Variants in TOMM20 observed in about 807,000 individuals in gnomAD.
TOMM20 encodes the protein translocase of outer mitochondrial membrane 20, also known as mitochondrial import receptor subunit TOM20 homolog.
Under a neutral mutation model 22.1 loss-of-function variants are expected in TOMM20, and 10 were observed. The observed-to-expected ratio is 0.45, with a 90% CI of 0.28 to 0.77. The LOEUF (loss-of-function observed/expected upper bound fraction) is 0.77, where lower values mean the gene tolerates loss of function less well. TOMM20 is among the 30% of genes least tolerant of loss of function. The pLI, the probability that TOMM20 is intolerant of heterozygous loss-of-function variation, is 0.13. For synonymous variants in TOMM20, 55 were observed against 61.4 expected, an observed-to-expected ratio of 0.90 and a Z score of 0.49; for missense variants, 121 against 172.2, an observed-to-expected ratio of 0.70 and a Z score of 1.66.
chr1:235,128,753 G>A lies in TOMM20; in HGVS notation c.-38C>T, dbSNP rs1245742292. ...GCTGAGCGTGGACGGTGGCGGCAGG[G>A]ACCGCGAAGGAGCGGTGGGCCACGA... On this transcript the variant is annotated 5_prime_UTR_variant, in exon 1 of 5. Coordinates refer to ENST00000366607, the MANE Select transcript of TOMM20 (RefSeq NM_014765.3). 4 of 1,612,152 alleles carry A rather than the reference G, an allele frequency of 2.5e-6. No homozygotes were observed. The highest frequency in any genetic ancestry group is 3.4e-6 in the Non-Finnish European group (4 of 1,179,342).
chr1:235,120,547 G>A (rs1038566689), intron 2 of TOMM20, among the ~76,000 whole-genome samples: 2 of 151,630 alleles, frequency 1.3e-5, no homozygotes, highest in Admixed American at 1.3e-4. Context: ...TTACAGGTAT[G>A]AGCCACCGCA....
At chr1:235,116,099 A>G (rs531894431) in intron 3 of TOMM20, among the ~76,000 whole-genome samples, 2 of 152,312 alleles carry the variant, frequency 1.3e-5, no homozygotes, top group African/African-American at 4.8e-5. Context: ...ACATGTTAGC[A>G]TGCAAGTAAA....
At chr1:235,120,695 GCC>G (rs1475179001) in intron 2 of TOMM20, among the ~76,000 whole-genome samples, 1 of 151,692 alleles carries the variant, frequency 6.6e-6, no homozygotes, top group Non-Finnish European at 1.5e-5. Context: ...TCCTACCTCA[GCC>G]TCTCTCTATA....
chr1:235,115,620 C>G (rs564267678), intron 3 of TOMM20, among the ~76,000 whole-genome samples: 1 of 152,098 alleles, frequency 6.6e-6, no homozygotes, highest in Non-Finnish European at 1.5e-5. Context: ...GAGCGAGACT[C>G]TGTCTCAAAA....
chr1:235,115,993 T>A (rs939833365), intron 3 of TOMM20, among the ~76,000 whole-genome samples: 1 of 152,222 alleles, frequency 6.6e-6, no homozygotes, highest in African/African-American at 2.4e-5. Flanking sequence ...GCCAATACCC[T>A]TGTTACTATT....
rs1352953734 is a variant in TOMM20, at chr1:235,109,450, A to G, written c.*2614T>C. The G allele has an allele frequency of 1.3e-5, 2 of 152,170 alleles. No homozygotes were observed. Among genetic ancestry groups the G allele is most frequent in the East Asian group, 3.8e-4 (2 of 5,204 alleles). 9.4% of individuals were successfully genotyped at this position (152,170 alleles called of 1,614,324 possible). ...TTGTATGTTATCTGCATGATATACC[A>G]ATTTTCTCAATCTCTTCTGCAATAA... On this transcript the variant is annotated 3_prime_UTR_variant, in exon 5 of 5. Coordinates refer to ENST00000366607, the MANE Select transcript of TOMM20 (RefSeq NM_014765.3).
intron 1 of TOMM20, among the ~76,000 whole-genome samples, chr1:235,126,062 T>G (rs1459761573): frequency 6.6e-6 from 1 of 150,694 alleles, no homozygotes; most frequent in Non-Finnish European, 1.5e-5. Context: ...GGTCGATAGA[T>G]TAGATTAGAT....
chr1:235,119,756 T>G, intron 3 of TOMM20, 62 bp downstream of exon 3: 1 of 1,146,868 alleles, frequency 8.7e-7, no homozygotes, highest in East Asian at 2.4e-5. Flanking sequence ...CCCCTTATCA[T>G]TATAAATTTC....
chr1:235,124,104 T>C (rs1470911646), intron 1 of TOMM20, among the ~76,000 whole-genome samples: 6 of 152,256 alleles, frequency 3.9e-5, no homozygotes, highest in Admixed American at 3.9e-4. Context: ...CCCAGCACTT[T>C]GGGAGGCCAA....
rs1347731576 is a variant in TOMM20, at chr1:235,117,550, G to A, written c.250+2268C>T. ...TTACCCAGCAAGCTGAGGATATTAAGTATGTCTTAGGGAATATCTCTACCA... is the reference window on the plus strand; with the variant it reads ...TTACCCAGCAAGCTGAGGATATTAAATATGTCTTAGGGAATATCTCTACCA... On this transcript the variant is annotated intron_variant, in intron 3 of 4. Coordinates refer to ENST00000366607, the MANE Select transcript of TOMM20 (RefSeq NM_014765.3). Among the ~76,000 whole-genome samples the A allele has an allele frequency of 2.6e-5, 4 of 151,706 alleles. No homozygotes were observed. In the East Asian group the frequency reaches 5.8e-4, roughly 22 times the overall value.
chr1:235,123,546 C>T (rs2102812510), intron 1 of TOMM20, among the ~76,000 whole-genome samples: 1 of 152,316 alleles, frequency 6.6e-6, no homozygotes, highest in African/African-American at 2.4e-5. Context: ...GGTACCTTTT[C>T]TTAGTCAACC....
chr1:235,121,294 G>A (rs924882329), intron 2 of TOMM20, among the ~76,000 whole-genome samples: 1 of 151,982 alleles, frequency 6.6e-6, no homozygotes. Context: ...GCCAACACAA[G>A]TGAAACAATT....
rs1242192666 is a variant in TOMM20 at position 235,110,036 on chromosome 1, A to G, written c.*2028T>C. Reference sequence around the variant, plus strand: ...CTTTAACTCGACACAGCTAGCTTTAAAAAGTGGTACCTCATTTTAAAGCAC... The same window carrying G: ...CTTTAACTCGACACAGCTAGCTTTAGAAAGTGGTACCTCATTTTAAAGCAC... On this transcript the variant is annotated 3_prime_UTR_variant, in exon 5 of 5. Transcript: ENST00000366607. 1.3e-5 allele frequency: 2 copies of G among 152,258 alleles called. No homozygotes were observed. The highest frequency in any genetic ancestry group is 2.9e-5 in the Non-Finnish European group (2 of 68,042). The allele number at this position is 152,258 out of a possible 1,614,324, so 9.4% of individuals were successfully genotyped here.
At chr1:235,124,696 G>C (rs988231766) in intron 1 of TOMM20, among the ~76,000 whole-genome samples, 1 of 152,210 alleles carries the variant, frequency 6.6e-6, no homozygotes, top group Non-Finnish European at 1.5e-5. Flanking sequence ...GTGGGGAGGA[G>C]TGTGTGATTG....
chr1:235,114,521 C>T (rs4300293), intron 3 of TOMM20, among the ~76,000 whole-genome samples: 15,754 of 150,162 alleles, frequency 0.1, 1,190 homozygotes, highest in Non-Finnish European at 0.16. Context: ...ACTGCAGGCT[C>T]TGCTCCCCAG....
At chr1:235,121,539 C>T (rs991954184) in intron 2 of TOMM20, among the ~76,000 whole-genome samples, 2 of 152,176 alleles carry the variant, frequency 1.3e-5, no homozygotes, top group Non-Finnish European at 2.9e-5. Context: ...ATTACCATGT[C>T]CAGTCAACTA....
chr1:235,128,500 C>A lies in TOMM20; in HGVS notation c.121+95G>T, dbSNP rs572549066. On this transcript the variant is annotated intron_variant, in intron 1 of 4. Coordinates refer to ENST00000366607, the MANE Select transcript of TOMM20 (RefSeq NM_014765.3). ...AGGGCCGCACCACGCGGTCGCCCTG[C>A]GCGGCCCACAGGCTGGTGGGAGGCA... 5 of 1,577,270 alleles carry A rather than the reference C, an allele frequency of 3.2e-6. No individual in the cohort carries two copies. The African/African-American group carries it at 6.8e-5, about 21-fold the overall frequency.
chr1:235,115,614 G>A (rs1003195583), intron 3 of TOMM20, among the ~76,000 whole-genome samples: 15 of 152,150 alleles, frequency 9.9e-5, no homozygotes, highest in Non-Finnish European at 1.8e-4. Flanking sequence ...GCGACAGAGC[G>A]AGACTCTGTC....
At chr1:235,115,677 C>CAATT (rs1429606715) in intron 3 of TOMM20, among the ~76,000 whole-genome samples, 1 of 152,092 alleles carries the variant, frequency 6.6e-6, no homozygotes, top group African/African-American at 2.4e-5. Context: ...AGTAGAGGAA[C>CAATT]AATTCTCAAG....
Sources: allele counts gnomAD v4.1 joint callset (sites outside exome capture counted in the v4.1 genomes callset), GRCh38; gene constraint gnomAD v4.1.1; transcripts MANE v1.5; gene names NCBI Gene and HGNC (gene_info 2026-07-23, HGNC 2026-07-21).